Variants in SCML4 observed in about 807,000 individuals in gnomAD.
SCML4 encodes the protein sex comb on midleg-like protein 4.
Under a neutral mutation model 41.1 loss-of-function variants are expected in SCML4, and 34 were observed. The ratio of observed to expected loss-of-function variants is 0.83; its 90% CI spans 0.63 to 1.10. SCML4 has a LOEUF of 1.10. Ranked by LOEUF, SCML4 falls within the 50% of genes least tolerant of loss-of-function variation. SCML4 has a pLI of 0.00. For missense variants in SCML4, 522 were observed against 534.1 expected, an observed-to-expected ratio of 0.98 and a Z score of 0.22; for synonymous variants, 214 against 220.9, an observed-to-expected ratio of 0.97 and a Z score of 0.28.
At chr6:107,757,314 G>T (rs1779196749) in intron 2 of SCML4, among the ~76,000 whole-genome samples, 1 of 152,186 alleles carries the variant, frequency 6.6e-6, no homozygotes, top group Non-Finnish European at 1.5e-5. Context: ...AAGGGGAGAG[G>T]ATCGGTTGAT....
intron 6 of SCML4, chr6:107,720,028 T>C (rs1775207760): frequency 2.0e-6 from 2 of 985,492 alleles, no homozygotes; most frequent in Non-Finnish European, 2.4e-6. Context: ...GAGACAGAAG[T>C]GGCATTACAA....
At chr6:107,788,568 A>G (rs1037738289) in intron 1 of SCML4, among the ~76,000 whole-genome samples, 1 of 152,172 alleles carries the variant, frequency 6.6e-6, no homozygotes, top group African/African-American at 2.4e-5. Context: ...CATCCAGACA[A>G]TGCGACATTC....
chr6:107,770,399 A>G (rs4946864), intron 2 of SCML4, among the ~76,000 whole-genome samples: 146,571 of 152,238 alleles, frequency 0.96, 70,784 homozygotes, highest in Non-Finnish European at 1. Flanking sequence ...GGAACTTCAC[A>G]CAGAATGGCA....
At chr6:107,822,515 T>TC (rs1583685126) in intron 1 of SCML4, among the ~76,000 whole-genome samples, 1 of 151,164 alleles carries the variant, frequency 6.6e-6, no homozygotes, top group East Asian at 1.9e-4. Context: ...TTTCTTTTTT[T>TC]TTTTTTGCAG....
chr6:107,703,071 T>C lies in SCML4; in HGVS notation c.*2129A>G, dbSNP rs1016499994. The stretch of plus-strand genomic sequence containing the variant: ...ACGGTTTACAAATGCCATGGCAACA[T>C]CAGGAAGTTACCCTATATGATCTAA... On this transcript the variant is annotated 3_prime_UTR_variant, in exon 8 of 8. Coordinates refer to ENST00000369020, the MANE Select transcript of SCML4 (RefSeq NM_198081.5). 6.6e-6 allele frequency among the ~76,000 whole-genome samples: 1 copy of C among 152,198 alleles called. No homozygotes were observed. The highest frequency in any genetic ancestry group is 1.5e-5 in the Non-Finnish European group (1 of 68,032).
chr6:107,756,310 C>T (rs1396756495), intron 2 of SCML4, among the ~76,000 whole-genome samples: 1 of 152,214 alleles, frequency 6.6e-6, no homozygotes, highest in East Asian at 1.9e-4. Context: ...CTAGCATGTA[C>T]TCTCACCATA....
At chr6:107,747,233 C>G (rs1395485215) in intron 3 of SCML4, among the ~76,000 whole-genome samples, 1 of 152,188 alleles carries the variant, frequency 6.6e-6, no homozygotes, top group Non-Finnish European at 1.5e-5. Flanking sequence ...AATGTACATA[C>G]AAAACTTCTT....
At chr6:107,840,768 CAG>C in the SCML4 span, among the ~76,000 whole-genome samples, 1 of 152,078 alleles carries the variant, frequency 6.6e-6, no homozygotes, top group African/African-American at 2.4e-5. Flanking sequence ...AAGGTGCATT[CAG>C]ACCTGAAGGC....
intron 1 of SCML4, among the ~76,000 whole-genome samples, chr6:107,789,333 G>A (rs1782139518): frequency 6.6e-6 from 1 of 152,132 alleles, no homozygotes; most frequent in Non-Finnish European, 1.5e-5. Context: ...GATGTTTGTG[G>A]GTAGACGGGA....
chr6:107,813,598 T>G (rs996692630), intron 1 of SCML4, among the ~76,000 whole-genome samples: 1 of 151,856 alleles, frequency 6.6e-6, no homozygotes, highest in African/African-American at 2.4e-5. Context: ...AACTATATTT[T>G]ATAGCGAATC....
chr6:107,707,581 C>T (rs573978214), intron 7 of SCML4, among the ~76,000 whole-genome samples: 10 of 152,232 alleles, frequency 6.6e-5, no homozygotes, highest in East Asian at 1.9e-4. Flanking sequence ...CATTCACAGA[C>T]GGCTGGATGG....
At chr6:107,799,026 AAAG>A (rs1782911805) in intron 1 of SCML4, among the ~76,000 whole-genome samples, 1 of 152,124 alleles carries the variant, frequency 6.6e-6, no homozygotes, top group African/African-American at 2.4e-5. Context: ...GTGCATTTGA[AAAG>A]AAGGTGTATT....
the SCML4 span, among the ~76,000 whole-genome samples, chr6:107,835,644 G>A: frequency 6.6e-6 from 1 of 151,458 alleles, no homozygotes; most frequent in Non-Finnish European, 1.5e-5. Context: ...GCTGGGGAGG[G>A]GCGGGCAAGG....
chr6:107,827,690 T>G (rs1785302314), upstream of SCML4, among the ~76,000 whole-genome samples: 1 of 152,200 alleles, frequency 6.6e-6, no homozygotes, highest in African/African-American at 2.4e-5. Flanking sequence ...GCACTGTGGT[T>G]ACATTTCTGT....
intron 1 of SCML4, among the ~76,000 whole-genome samples, chr6:107,790,781 C>T (rs563166281): frequency 4.7e-4 from 71 of 152,172 alleles, no homozygotes; most frequent in Non-Finnish European, 7.9e-4. Context: ...GGTCAAAGCA[C>T]CAAACAGGCC....
At chr6:107,705,884 G>T (rs1008831596) in intron 7 of SCML4, among the ~76,000 whole-genome samples, 2 of 152,144 alleles carry the variant, frequency 1.3e-5, no homozygotes, top group Non-Finnish European at 2.9e-5. Flanking sequence ...TCAGCACAAA[G>T]AACTACTAAG....
At chr6:107,790,637 G>A (rs1782254477) in intron 1 of SCML4, among the ~76,000 whole-genome samples, 1 of 152,062 alleles carries the variant, frequency 6.6e-6, no homozygotes, top group South Asian at 2.1e-4. Flanking sequence ...TAAATGCAAG[G>A]CATTTGTCCC....
At chr6:107,720,046 TG>T (rs1775210949) in intron 6 of SCML4, 1 of 985,360 alleles carries the variant, frequency 1.0e-6, no homozygotes, top group Admixed American at 6.1e-5. Flanking sequence ...CAACCAGCAT[TG>T]GGGGAATTTT....
chr6:107,818,512 A>G (rs969331567), intron 1 of SCML4, among the ~76,000 whole-genome samples: 2 of 152,252 alleles, frequency 1.3e-5, no homozygotes, highest in African/African-American at 2.4e-5. Context: ...CCTTGACATC[A>G]CCAAAATTTC....
Sources: allele counts gnomAD v4.1 joint callset (sites outside exome capture counted in the v4.1 genomes callset), GRCh38; gene constraint gnomAD v4.1.1; transcripts MANE v1.5; gene names NCBI Gene and HGNC (gene_info 2026-07-23, HGNC 2026-07-21).